Variants in EPSTI1 observed in about 807,000 individuals in gnomAD.
The protein encoded by EPSTI1 is epithelial stromal interaction 1.
EPSTI1 carries 66 observed loss-of-function variants against 49.9 expected under a neutral mutation model. That is an observed-to-expected ratio of 1.32 (90% CI 1.08 to 1.62). The LOEUF (loss-of-function observed/expected upper bound fraction) is 1.62. Among genes scored for constraint, EPSTI1 ranks in the 40% most tolerant of loss-of-function variants. The pLI is 0.00. For missense variants in EPSTI1, 394 were observed against 365.5 expected, an observed-to-expected ratio of 1.08 and a Z score of -0.64; for synonymous variants, 137 against 130.7, an observed-to-expected ratio of 1.05 and a Z score of -0.33.
intron 7 of EPSTI1, among the ~76,000 whole-genome samples, chr13:42,918,432 A>T (rs2037900020): frequency 6.6e-6 from 1 of 152,374 alleles, no homozygotes; most frequent in Admixed American, 6.5e-5. Flanking sequence ...ATAAAAAACT[A>T]TCAGCAGCTT....
At chr13:42,977,663 ACAC>A (rs1462318475) in intron 1 of EPSTI1, among the ~76,000 whole-genome samples, 1 of 152,198 alleles carries the variant, frequency 6.6e-6, no homozygotes, top group East Asian at 1.9e-4. Context: ...GACCATGAAA[ACAC>A]CACATCAGTG....
intron 7 of EPSTI1, 146 bp downstream of exon 7, chr13:42,926,190 C>G (rs1030995772): frequency 3.1e-6 from 2 of 646,952 alleles, no homozygotes; most frequent in Non-Finnish European, 5.8e-6. Context: ...GCTCAGGCAA[C>G]AGTTGAGGTC....
At chr13:42,987,470 C>T (rs1382727229) in intron 1 of EPSTI1, among the ~76,000 whole-genome samples, 2 of 152,152 alleles carry the variant, frequency 1.3e-5, no homozygotes, top group Non-Finnish European at 2.9e-5. Flanking sequence ...GCAAGCTTGT[C>T]CAGCCCAGGG....
intron 1 of EPSTI1, among the ~76,000 whole-genome samples, chr13:42,989,567 C>CTTTT: frequency 6.3e-5 from 5 of 79,022 alleles, no homozygotes; most frequent in South Asian, 1.2e-3. Context: ...CCTCTTTTTT[C>CTTTT]TTTTTTTTTT....
chr13:42,962,127 C>T (rs1449318976), intron 5 of EPSTI1, among the ~76,000 whole-genome samples: 3 of 152,182 alleles, frequency 2.0e-5, no homozygotes, highest in African/African-American at 4.8e-5. Flanking sequence ...ACAGTGCAGG[C>T]CAATCAGCCA....
At chr13:42,982,132 A>T (rs2039997012) in intron 1 of EPSTI1, among the ~76,000 whole-genome samples, 1 of 152,174 alleles carries the variant, frequency 6.6e-6, no homozygotes, top group African/African-American at 2.4e-5. Context: ...ATGAGATAGG[A>T]GGTTGGCACA....
At position 42,917,641 on chromosome 13, in the gene EPSTI1, A is replaced by T; in HGVS notation, c.658-17T>A. On this transcript the variant is annotated splice_polypyrimidine_tract_variant and intron_variant, in intron 7 of 10. Coordinates refer to ENST00000313624, the MANE Select transcript of EPSTI1 (RefSeq NM_033255.5). ...GCTTCTGGCCTGTAAAGGTACAAAG[A>T]GAAAAAAAAAAAAAAAAACAACTTG... The T allele has an allele frequency of 7.5e-7, 1 of 1,335,902 alleles. No individual in the cohort carries two copies. The highest frequency in any genetic ancestry group is 1.0e-6 in the Non-Finnish European group (1 of 1,002,394). 82.8% of individuals were successfully genotyped at this position (1,335,902 alleles called of 1,614,324 possible).
Position 42,886,530 on chromosome 13 carries a change from T to C in EPSTI1, c.*1964A>G, listed in dbSNP as rs2036872855. 1 of 152,110 alleles carries C rather than the reference T, an allele frequency of 6.6e-6. No homozygotes were observed. Among genetic ancestry groups the C allele is most frequent in the Admixed American group, 6.5e-5 (1 of 15,270 alleles). The allele number at this position is 152,110 out of a possible 1,614,324, so 9.4% of individuals were successfully genotyped here. ...TACAAAAAAAAAAGCGGGGGGACAT[T>C]AAAATTAAGCATAGAAATGGTGGAA... On this transcript the variant is annotated 3_prime_UTR_variant, in exon 11 of 11. Transcript: ENST00000313624.
intron 6 of EPSTI1, among the ~76,000 whole-genome samples, chr13:42,927,640 T>C (rs991811011): frequency 5.9e-5 from 9 of 152,154 alleles, no homozygotes; most frequent in African/African-American, 2.2e-4. Flanking sequence ...ATTACTTAGG[T>C]AGAACATGGC....
chr13:42,982,967 T>A (rs776426836), intron 1 of EPSTI1, among the ~76,000 whole-genome samples: 16 of 152,238 alleles, frequency 1.1e-4, no homozygotes, highest in Non-Finnish European at 1.9e-4. Context: ...TACTCCTTTT[T>A]GACCAATCAT....
chr13:42,911,244 A>AGTGTGT (rs372327588), intron 8 of EPSTI1, among the ~76,000 whole-genome samples: 44 of 147,146 alleles, frequency 3.0e-4, no homozygotes, highest in African/African-American at 8.9e-4. Flanking sequence ...AGAGAGAGAG[A>AGTGTGT]GTGTGTGTGT....
intron 10 of EPSTI1, chr13:42,889,237 A>C (rs779242577): frequency 2.0e-5 from 31 of 1,555,686 alleles, no homozygotes; most frequent in Non-Finnish European, 2.5e-5. Flanking sequence ...AAACTAATAG[A>C]GAACCCTAGA....
intron 10 of EPSTI1, among the ~76,000 whole-genome samples, chr13:42,889,926 A>G (rs2036978387): frequency 6.6e-6 from 1 of 150,992 alleles, no homozygotes; most frequent in African/African-American, 2.4e-5. Flanking sequence ...TAATCCAGTT[A>G]GAATTTTTTT....
intron 7 of EPSTI1, among the ~76,000 whole-genome samples, chr13:42,917,947 T>A (rs1389163991): frequency 1.3e-5 from 2 of 152,188 alleles, no homozygotes; most frequent in African/African-American, 4.8e-5. Flanking sequence ...GTGGAAAGTT[T>A]AGGACATTTT....
chr13:42,954,797 T>C (rs1349735303), intron 5 of EPSTI1, among the ~76,000 whole-genome samples: 1 of 152,168 alleles, frequency 6.6e-6, no homozygotes, highest in African/African-American at 2.4e-5. Flanking sequence ...CATTCTACTA[T>C]CCAGGAGGAT....
At chr13:42,989,298 T>C (rs976695232) in intron 1 of EPSTI1, among the ~76,000 whole-genome samples, 16 of 152,064 alleles carry the variant, frequency 1.1e-4, no homozygotes, top group African/African-American at 3.9e-4. Context: ...CCCTATGAAG[T>C]TGGTATTGTC....
At chr13:42,945,678 G>A (rs2038898140) in intron 6 of EPSTI1, among the ~76,000 whole-genome samples, 4 of 152,110 alleles carry the variant, frequency 2.6e-5, no homozygotes, top group Admixed American at 2.6e-4. Flanking sequence ...TAGTCCAGGG[G>A]GTGACAAGAA....
At chr13:42,895,148 C>T (rs1307209851) in intron 9 of EPSTI1, 40 bp from the exon 10 acceptor site, 1 of 1,489,348 alleles carries the variant, frequency 6.7e-7, no homozygotes, top group Non-Finnish European at 9.3e-7. Flanking sequence ...AGAAAACTTG[C>T]TGCAGGGCTG....
intron 1 of EPSTI1, among the ~76,000 whole-genome samples, chr13:42,989,032 ATTTTTTTTT>A (rs74772535): frequency 5.5e-4 from 53 of 96,122 alleles, no homozygotes; most frequent in East Asian, 8.7e-4. Context: ...GATAATTTAA[ATTTTTTTTT>A]TTTTTTTTTT....
Sources: gnomAD v4.1 joint callset for allele counts (sites outside exome capture counted in the v4.1 genomes callset) on GRCh38, gnomAD v4.1.1 for gene constraint, MANE v1.5 for transcripts, NCBI Gene and HGNC (gene_info 2026-07-23, HGNC 2026-07-21) for gene names.